The following RALYL variants were observed in gnomAD, a reference collection of about 807,000 sequenced individuals.
RALYL encodes RNA-binding Raly-like protein.
RALYL carries 29 observed loss-of-function variants against 35.1 expected under a neutral mutation model. The ratio of observed to expected loss-of-function variants is 0.83; its 90% CI spans 0.61 to 1.13. The LOEUF (loss-of-function observed/expected upper bound fraction) is 1.13, where lower values mean the gene tolerates loss of function less well. RALYL is among the 50% of genes most tolerant of loss of function. RALYL has a pLI of 0.00. For missense variants in RALYL, 359 were observed against 360.4 expected (o/e 1.00, Z 0.03); for synonymous variants, 120 against 127.6 (o/e 0.94, Z 0.40).
At chr8:84,219,086 A>C (rs1821551637) in intron 1 of RALYL, among the ~76,000 whole-genome samples, 1 of 152,088 alleles carries the variant, frequency 6.6e-6, no homozygotes, top group Non-Finnish European at 1.5e-5. Flanking sequence ...AAATAAAAAA[A>C]TACGTACAAG....
chr8:84,728,667 G>T (rs1845497780), intron 2 of RALYL, among the ~76,000 whole-genome samples: 2 of 152,036 alleles, frequency 1.3e-5, no homozygotes, highest in Admixed American at 1.3e-4. Context: ...TGTAAGGAAG[G>T]GATCCAGTTT....
chr8:84,885,139 T>C (rs1209804203), intron 7 of RALYL, among the ~76,000 whole-genome samples: 2 of 152,040 alleles, frequency 1.3e-5, no homozygotes, highest in African/African-American at 4.8e-5. Flanking sequence ...TGGGTTAACC[T>C]AGGTTACAGA....
At chr8:84,208,216 A>C (rs1818544885) in intron 1 of RALYL, among the ~76,000 whole-genome samples, 1 of 152,174 alleles carries the variant, frequency 6.6e-6, no homozygotes, top group South Asian at 2.1e-4. Flanking sequence ...TCAGTAATAA[A>C]AGTCTGTGTG....
chr8:84,890,607 T>G (rs913500823), intron 8 of RALYL, among the ~76,000 whole-genome samples: 2 of 152,164 alleles, frequency 1.3e-5, no homozygotes, highest in African/African-American at 2.4e-5. Flanking sequence ...TGATTCAGTA[T>G]GCTGAAGGGG....
chr8:84,516,346 A>C (rs1178485751), intron 1 of RALYL, among the ~76,000 whole-genome samples: 1 of 151,964 alleles, frequency 6.6e-6, no homozygotes, highest in African/African-American at 2.4e-5. Context: ...GAAGTATTTT[A>C]CTTTTTTTTG....
chr8:84,746,898 A>C (rs1808732126), intron 2 of RALYL, among the ~76,000 whole-genome samples: 1 of 151,930 alleles, frequency 6.6e-6, no homozygotes, highest in African/African-American at 2.4e-5. Context: ...TATGTAAATT[A>C]ATATTCAATT....
intron 1 of RALYL, among the ~76,000 whole-genome samples, chr8:84,373,561 T>A (rs1856346691): frequency 6.6e-6 from 1 of 151,990 alleles, no homozygotes; most frequent in South Asian, 2.1e-4. Flanking sequence ...GTCTCTATTC[T>A]GTTCCATTGG....
chr8:84,919,348 ATTTTT>A (rs1563868529), intron 8 of RALYL, among the ~76,000 whole-genome samples: 2 of 152,056 alleles, frequency 1.3e-5, no homozygotes, highest in South Asian at 4.1e-4. Flanking sequence ...CTTTTATTTT[ATTTTT>A]TAAGTTATTC....
intron 1 of RALYL, among the ~76,000 whole-genome samples, chr8:84,367,878 T>G (rs1854818529): frequency 6.6e-6 from 1 of 152,168 alleles, no homozygotes; most frequent in Non-Finnish European, 1.5e-5. Flanking sequence ...TATATCCCAT[T>G]GATTTAAAGT....
chr8:84,249,034 C>T (rs1298486019), intron 1 of RALYL, among the ~76,000 whole-genome samples: 1 of 151,772 alleles, frequency 6.6e-6, no homozygotes, highest in Non-Finnish European at 1.5e-5. Context: ...ATTTCTTGAA[C>T]AAAAGTAGTT....
chr8:84,529,309 A>C lies in RALYL; in HGVS notation c.-13A>C. The C allele has an allele frequency of 6.4e-7, 1 of 1,561,158 alleles. No individual in the cohort carries two copies. The highest frequency in any genetic ancestry group is 1.9e-5 in the Admixed American group (1 of 51,582). Reference sequence around the variant, plus strand: ...GTTTGTTTGTTTAAGGATTAAAGCAAGGAGAGCCAATCATGACTGGCAAAA... The same window carrying C: ...GTTTGTTTGTTTAAGGATTAAAGCACGGAGAGCCAATCATGACTGGCAAAA... On this transcript the variant is annotated 5_prime_UTR_variant, in exon 2 of 9. Coordinates refer to ENST00000521268, the MANE Select transcript of RALYL (RefSeq NM_173848.7).
intron 2 of RALYL, among the ~76,000 whole-genome samples, chr8:84,650,423 A>C (rs1346078986): frequency 6.6e-6 from 1 of 152,172 alleles, no homozygotes; most frequent in Middle Eastern, 3.2e-3. Flanking sequence ...ACGTGAAAAG[A>C]CACTTCTCAA....
intron 4 of RALYL, among the ~76,000 whole-genome samples, chr8:84,825,597 G>A (rs1829495864): frequency 6.6e-6 from 1 of 152,186 alleles, no homozygotes; most frequent in Admixed American, 6.5e-5. Flanking sequence ...ACCAGGTGCA[G>A]TGGCTCACAC....
chr8:84,784,063 T>A (rs965838103), intron 3 of RALYL, among the ~76,000 whole-genome samples: 1 of 151,288 alleles, frequency 6.6e-6, no homozygotes. Context: ...ATTTAAGGAC[T>A]GACTACTGAA....
chr8:84,490,738 T>A (rs2055194549), intron 1 of RALYL, among the ~76,000 whole-genome samples: 1 of 151,058 alleles, frequency 6.6e-6, no homozygotes, highest in Non-Finnish European at 1.5e-5. Context: ...ATTATACTTT[T>A]AAGTTTTTGA....
At chr8:84,236,954 G>A (rs932351799) in intron 1 of RALYL, among the ~76,000 whole-genome samples, 2 of 152,158 alleles carry the variant, frequency 1.3e-5, no homozygotes, top group Non-Finnish European at 2.9e-5. Flanking sequence ...GTAAGTAAAT[G>A]TATTTGGTTC....
chr8:84,250,093 G>A (rs1460312821), intron 1 of RALYL, among the ~76,000 whole-genome samples: 3 of 151,734 alleles, frequency 2.0e-5, no homozygotes, highest in African/African-American at 7.3e-5. Flanking sequence ...AATACAGAAA[G>A]GAAAACTAGA....
At chr8:84,638,602 A>G (rs1825563416) in intron 2 of RALYL, among the ~76,000 whole-genome samples, 2 of 151,688 alleles carry the variant, frequency 1.3e-5, no homozygotes. Flanking sequence ...AATAAACTCA[A>G]TTAGAAACAA....
At chr8:84,702,767 A>G (rs1840433586) in intron 2 of RALYL, among the ~76,000 whole-genome samples, 1 of 152,154 alleles carries the variant, frequency 6.6e-6, no homozygotes, top group South Asian at 2.1e-4. Flanking sequence ...CAATAAATGA[A>G]AGGTATAGAT....
Sources: allele counts gnomAD v4.1 joint callset (sites outside exome capture counted in the v4.1 genomes callset), GRCh38; gene constraint gnomAD v4.1.1; transcripts MANE v1.5; gene names NCBI Gene and HGNC (gene_info 2026-07-23, HGNC 2026-07-21).